Variants in ABCC8 observed in about 807,000 individuals in gnomAD.
The protein encoded by ABCC8 is ATP binding cassette subfamily C member 8, also known as ATP-binding cassette sub-family C member 8.
ABCC8 carries 137 observed loss-of-function variants against 188.0 expected under a neutral mutation model. The observed-to-expected ratio is 0.73, with a 90% CI of 0.63 to 0.84. The LOEUF (loss-of-function observed/expected upper bound fraction) is 0.84, where lower values mean the gene tolerates loss of function less well. Among genes scored for constraint, ABCC8 ranks in the 40% least tolerant of loss-of-function variants. ABCC8 has a pLI of 0.00. For missense variants in ABCC8, 1,750 were observed against 2,072.7 expected (o/e 0.84, Z 3.02); for synonymous variants, 797 against 846.5 (o/e 0.94, Z 1.01).
At position 17,413,610 on chromosome 11, in the gene ABCC8, G is replaced by A. The variant is rs1029732712; in HGVS notation, c.2391-132C>T. On this transcript the variant is annotated intron_variant, in intron 19 of 38. Coordinates refer to ENST00000389817, the MANE Select transcript of ABCC8 (RefSeq NM_000352.6). Reference sequence around the variant, plus strand: ...ATGGCTTTAATAGGCCTCCCGCTTGGGTGCAAGCAAACACCGTGTGAGCTT... The same window carrying A: ...ATGGCTTTAATAGGCCTCCCGCTTGAGTGCAAGCAAACACCGTGTGAGCTT... 1.9e-6 allele frequency: 3 copies of A among 1,573,590 alleles called. No homozygotes were observed. In the African/African-American group the frequency reaches 4.0e-5, roughly 21 times the overall value.
intron 10 of ABCC8, among the ~76,000 whole-genome samples, chr11:17,435,165 T>A (rs1282297362): frequency 1.3e-5 from 2 of 152,190 alleles, no homozygotes; most frequent in African/African-American, 4.8e-5. Flanking sequence ...TGGGATAGAC[T>A]AATTCCCCTC....
At chr11:17,397,131 GC>G in intron 32 of ABCC8, 61 bp downstream of exon 32, 1 of 1,613,332 alleles carries the variant, frequency 6.2e-7, no homozygotes, top group Non-Finnish European at 8.5e-7. Context: ...CTCCCTTGTG[GC>G]CCCCAACCCA....
At chr11:17,463,273 T>A (rs527614567) in intron 4 of ABCC8, among the ~76,000 whole-genome samples, 165 bp downstream of exon 4, 11 of 152,164 alleles carry the variant, frequency 7.2e-5, no homozygotes, top group Non-Finnish European at 1.5e-4. Context: ...GCAGTGTCTA[T>A]CCTGAAATTT....
chr11:17,393,161 G>A (rs771002484), intron 38 of ABCC8, 33 bp from the exon 39 acceptor site: 3 of 1,612,152 alleles, frequency 1.9e-6, no homozygotes, highest in Non-Finnish European at 2.5e-6. Flanking sequence ...GGTCAGGATG[G>A]TGGGAATACC....
intron 10 of ABCC8, among the ~76,000 whole-genome samples, chr11:17,434,797 A>G (rs1454783413): frequency 6.6e-6 from 1 of 152,214 alleles, no homozygotes; most frequent in African/African-American, 2.4e-5. Flanking sequence ...ATGCAGCAAC[A>G]TGGAGTATGC....
Position 17,463,564 on chromosome 11 carries a change from G to A in ABCC8, c.453C>T (p.Thr151=), listed in dbSNP as rs1847960426. ...GGTCCAAGAACTTGACAAACTTGAT[G>A]GTCTTGGTGATGAAGGCCAGGGTCC... ...VYWTLAFITK[T]IKFVKFLDHA... is the part of the protein sequence containing the mutation. The change falls in exon 4 of 39, where the codon ACC becomes ACT. Residue 151 remains threonine (T), a synonymous_variant. Coordinates refer to ENST00000389817, the MANE Select transcript of ABCC8 (RefSeq NM_000352.6). The A allele has an allele frequency of 2.5e-6, 4 of 1,592,908 alleles. No homozygotes were observed. In the East Asian group the frequency reaches 6.8e-5, roughly 27 times the overall value.
intron 3 of ABCC8, among the ~76,000 whole-genome samples, chr11:17,466,339 C>T (rs932509693): frequency 4.3e-5 from 6 of 138,880 alleles, no homozygotes; most frequent in South Asian, 2.4e-4. Context: ...GCAGAGGTTG[C>T]GGTGAGCCGA....
At chr11:17,415,375 TG>T in intron 17 of ABCC8, 36 bp from the exon 18 acceptor site, 1 of 1,604,872 alleles carries the variant, frequency 6.2e-7, no homozygotes, top group Non-Finnish European at 8.5e-7. Context: ...TGAGCTCTCA[TG>T]GGAGTGAACC....
At position 17,393,771 on chromosome 11, in the gene ABCC8, G is replaced by A. The variant is rs905424734; in HGVS notation, c.4546-12C>T. 3.1e-6 allele frequency: 5 copies of A among 1,614,082 alleles called. No homozygotes were observed. The highest frequency in any genetic ancestry group is 3.4e-6 in the Non-Finnish European group (4 of 1,179,924). ...TGGAGGATGTTTTCCTGCCAAGTGG[G>A]GGCAACAGCTGTTGGCTCACCTGCC... On this transcript the variant is annotated splice_polypyrimidine_tract_variant and intron_variant, in intron 37 of 38. Coordinates refer to ENST00000389817, the MANE Select transcript of ABCC8 (RefSeq NM_000352.6).
intron 21 of ABCC8, 42 bp from the exon 22 acceptor site, chr11:17,410,695 G>A (rs764542419): frequency 6.2e-7 from 1 of 1,612,206 alleles, no homozygotes; most frequent in Admixed American, 1.7e-5. Context: ...GTAGGGAAAG[G>A]CATGGTGGGG....
Position 17,395,607 on chromosome 11 carries a change from C to T in ABCC8, c.4307+3G>A. The T allele has an allele frequency of 3.2e-6, 5 of 1,549,562 alleles. No individual in the cohort carries two copies. The highest frequency in any genetic ancestry group is 2.4e-5 in the East Asian group (1 of 41,176). ...GGTGGGCCTGAGGGGTGGTGGGGCT[C>T]ACCGGATGGTGCCGCTGAAGAGGAC... On this transcript the variant is annotated splice_donor_region_variant and intron_variant, in intron 35 of 38. Transcript: ENST00000389817.
At chr11:17,394,542 C>T in intron 36 of ABCC8, 143 bp from the exon 37 acceptor site, 1 of 1,447,180 alleles carries the variant, frequency 6.9e-7, no homozygotes, top group Non-Finnish European at 9.4e-7. Flanking sequence ...CAGGCGTGTG[C>T]AGGGCTGGTG....
chr11:17,415,648 C>T (rs554063188), intron 17 of ABCC8, among the ~76,000 whole-genome samples: 19 of 152,282 alleles, frequency 1.2e-4, no homozygotes, highest in East Asian at 7.7e-4. Flanking sequence ...GTATGAAGCC[C>T]GCAATGTGGC....
intron 6 of ABCC8, among the ~76,000 whole-genome samples, chr11:17,459,235 G>T (rs906538534): frequency 2.6e-5 from 4 of 152,222 alleles, no homozygotes; most frequent in Admixed American, 2.0e-4. Flanking sequence ...CACGCCAAAG[G>T]ATAGTTTTAG....
At position 17,433,228 on chromosome 11, in the gene ABCC8, C is replaced by T. The variant is rs562493018; in HGVS notation, c.1631-984G>A. ...CATAAGAGGTAACCATGTCAGCTGC[C>T]ACCTTCCCATCTATCCTCTTTCATT... On this transcript the variant is annotated intron_variant, in intron 10 of 38. Coordinates refer to ENST00000389817, the MANE Select transcript of ABCC8 (RefSeq NM_000352.6). Among the ~76,000 whole-genome samples, 3 of 152,314 alleles carry T rather than the reference C, an allele frequency of 2.0e-5. No homozygotes were observed. The East Asian group carries it at 5.8e-4, about 29-fold the overall frequency.
intron 4 of ABCC8, 151 bp downstream of exon 4, chr11:17,463,287 C>T: frequency 1.5e-6 from 1 of 680,224 alleles, no homozygotes; most frequent in Non-Finnish European, 2.5e-6. Flanking sequence ...GAAATTTCCG[C>T]CACGGCCCCA....
Position 17,474,906 on chromosome 11 carries a change from T to C in ABCC8, c.270A>G (p.Ala90=), listed in dbSNP as rs2133728423. ...MLLFVLVCEI[A]EGILSDGVTE... ...CTCACCCATCAGACAGGATGCCCTC[T>C]GCAATCTCACACACCAGGACGAAGA... The change falls in exon 2 of 39, where the codon GCA becomes GCG. Residue 90 remains alanine, a synonymous_variant. Coordinates refer to ENST00000389817, the MANE Select transcript of ABCC8 (RefSeq NM_000352.6). The C allele has an allele frequency of 1.2e-6, 2 of 1,614,152 alleles. No individual in the cohort carries two copies. The highest frequency in any genetic ancestry group is 1.7e-6 in the Non-Finnish European group (2 of 1,180,034).
intron 3 of ABCC8, among the ~76,000 whole-genome samples, chr11:17,469,056 T>C (rs1247774763): frequency 8.6e-3 from 1,137 of 132,034 alleles, no homozygotes; most frequent in African/African-American, 9.7e-3. Flanking sequence ...TCTCCCTCCC[T>C]CCTCCCTCCC....
intron 19 of ABCC8, 132 bp from the exon 20 acceptor site, chr11:17,413,610 G>C (rs1029732712): frequency 6.4e-7 from 1 of 1,573,708 alleles, no homozygotes; most frequent in Non-Finnish European, 8.7e-7. Flanking sequence ...CTCCCGCTTG[G>C]GTGCAAGCAA....
Sources: gnomAD v4.1 joint callset for allele counts (sites outside exome capture counted in the v4.1 genomes callset) on GRCh38, gnomAD v4.1.1 for gene constraint, MANE v1.5 for transcripts, NCBI Gene and HGNC (gene_info 2026-07-23, HGNC 2026-07-21) for gene names.